The following CTNND2 variants were observed in gnomAD, a reference collection of about 807,000 sequenced individuals.
CTNND2 encodes the protein catenin delta-2.
Under a neutral mutation model 144.4 loss-of-function variants are expected in CTNND2, and 22 were observed. The ratio of observed to expected loss-of-function variants is 0.15; its 90% confidence interval spans 0.11 to 0.22. The LOEUF (loss-of-function observed/expected upper bound fraction) is 0.22. CTNND2 is among the 10% of genes least tolerant of loss of function. The probability of loss-of-function intolerance (pLI) is 1.00; values close to 1 mark genes in which losing one functional copy is unlikely to be tolerated. For synonymous variants in CTNND2, 751 were observed against 695.6 expected, an observed-to-expected ratio of 1.08 and a Z score of -1.25; for missense variants, 1,353 against 1,618.8, an observed-to-expected ratio of 0.84 and a Z score of 2.82.
intron 3 of CTNND2, among the ~76,000 whole-genome samples, chr5:11,551,048 G>T (rs971835431): frequency 2.6e-5 from 4 of 152,080 alleles, no homozygotes; most frequent in Admixed American, 6.6e-5. Context: ...CCTCTCTAAC[G>T]TGCACTGTGG....
rs200557485 is a variant in CTNND2 at position 11,142,591 on chromosome 5, G to T, written c.2159+16985C>A. Among the ~76,000 whole-genome samples, 3 of 151,346 alleles carry T rather than the reference G, an allele frequency of 2.0e-5. No individual in the cohort carries two copies. The East Asian group carries it at 5.8e-4, about 29-fold the overall frequency. On this transcript the variant is annotated intron_variant, in intron 12 of 21. Coordinates refer to ENST00000304623, the MANE Select transcript of CTNND2 (RefSeq NM_001332.4). ...CAGGCTGTGGTACTGGAAAAGGTTT[G>T]GTGTCAAATTTAAACTCTTTTTTTT...
At chr5:11,431,657 A>G (rs924699948) in intron 3 of CTNND2, among the ~76,000 whole-genome samples, 5 of 152,298 alleles carry the variant, frequency 3.3e-5, no homozygotes, top group African/African-American at 1.2e-4. Flanking sequence ...GGCCACATAG[A>G]GAAGCACTGA....
chr5:11,752,081 T>G (rs1426054552), intron 1 of CTNND2, among the ~76,000 whole-genome samples: 1 of 151,962 alleles, frequency 6.6e-6, no homozygotes, highest in Non-Finnish European at 1.5e-5. Context: ...CTACTTTAAG[T>G]TCCTTACAGA....
At chr5:11,245,069 T>G (rs565595262) in intron 9 of CTNND2, among the ~76,000 whole-genome samples, 4 of 152,250 alleles carry the variant, frequency 2.6e-5, no homozygotes, top group Non-Finnish European at 4.4e-5. Context: ...CATTCATGCC[T>G]GATTTGCATC....
chr5:11,635,294 C>T (rs1781625391), intron 2 of CTNND2, among the ~76,000 whole-genome samples: 1 of 151,812 alleles, frequency 6.6e-6, no homozygotes, highest in African/African-American at 2.4e-5. Context: ...AAGGCATCAC[C>T]CATAAGAGAG....
At chr5:11,588,670 A>G in intron 2 of CTNND2, 1 of 755,610 alleles carries the variant, frequency 1.3e-6, no homozygotes, top group Non-Finnish European at 1.6e-6. Flanking sequence ...TTATCACAAA[A>G]ACAACATTCA....
chr5:11,378,915 ATTTGACTGGGGGACAAGTT>A (rs1758208229), intron 7 of CTNND2, among the ~76,000 whole-genome samples: 2 of 152,200 alleles, frequency 1.3e-5, no homozygotes, highest in Non-Finnish European at 2.9e-5. Flanking sequence ...TTTTATGTCC[ATTTGACTGGGGGACAAGTT>A]AGACAGGCCT....
At chr5:11,444,714 T>C (rs574733297) in intron 3 of CTNND2, among the ~76,000 whole-genome samples, 1 of 151,998 alleles carries the variant, frequency 6.6e-6, no homozygotes, top group South Asian at 2.1e-4. Flanking sequence ...AAAATAAAAA[T>C]AAATAAAAAA....
chr5:11,278,767 A>G (rs1746817305), intron 9 of CTNND2, among the ~76,000 whole-genome samples: 1 of 152,178 alleles, frequency 6.6e-6, no homozygotes, highest in Non-Finnish European at 1.5e-5. Context: ...AGATGTGAGC[A>G]CTGTGTCTGG....
At chr5:11,573,441 T>A (rs1777734385) in intron 2 of CTNND2, among the ~76,000 whole-genome samples, 1 of 152,104 alleles carries the variant, frequency 6.6e-6, no homozygotes, top group African/African-American at 2.4e-5. Flanking sequence ...CAATGTTAAT[T>A]TTACCCCACT....
chr5:11,578,482 G>T (rs932846632), intron 2 of CTNND2, among the ~76,000 whole-genome samples: 1 of 151,934 alleles, frequency 6.6e-6, no homozygotes, highest in African/African-American at 2.4e-5. Flanking sequence ...TCAGCATGGT[G>T]AAACCCCGTC....
chr5:11,091,800 C>T (rs1561289425), intron 15 of CTNND2, among the ~76,000 whole-genome samples: 1 of 152,216 alleles, frequency 6.6e-6, no homozygotes, highest in Non-Finnish European at 1.5e-5. Flanking sequence ...TGCACCCCCA[C>T]ATGAGTGTCC....
rs1019382586 is a variant in CTNND2 at position 11,392,677 on chromosome 5, G to C, written c.612+4354C>G. Among the ~76,000 whole-genome samples the C allele has an allele frequency of 3.3e-5, 5 of 152,158 alleles. No individual in the cohort carries two copies. The East Asian group carries it at 7.7e-4, about 23-fold the overall frequency. On this transcript the variant is annotated intron_variant, in intron 6 of 21. Transcript: ENST00000304623. Reference sequence around the variant, plus strand: ...GCAAGGAATAGGGATTCACAACAGAGAGTCATCCTAAAACTATCTTAAAAA... The same window carrying C: ...GCAAGGAATAGGGATTCACAACAGACAGTCATCCTAAAACTATCTTAAAAA...
chr5:11,420,712 T>C lies in CTNND2; in HGVS notation c.288-8643A>G, dbSNP rs537091415. On this transcript the variant is annotated intron_variant, in intron 3 of 21. Transcript: ENST00000304623. ...GGTCGGCTGCCTGTGGTCTCTATAC[T>C]TGTCTGTGATATAATCCCAAATGAA... Among the ~76,000 whole-genome samples, 6 of 152,290 alleles carry C rather than the reference T, an allele frequency of 3.9e-5. No homozygotes were observed. In the East Asian group the frequency reaches 5.8e-4, roughly 15 times the overall value.
At chr5:11,808,736 T>C (rs1272150040) in intron 1 of CTNND2, among the ~76,000 whole-genome samples, 1 of 152,234 alleles carries the variant, frequency 6.6e-6, no homozygotes, top group Non-Finnish European at 1.5e-5. Context: ...CCAAACTTTC[T>C]ACATTTTCCT....
chr5:11,432,308 T>A (rs1283170873), intron 3 of CTNND2, among the ~76,000 whole-genome samples: 11 of 150,180 alleles, frequency 7.3e-5, no homozygotes, highest in African/African-American at 2.5e-4. Flanking sequence ...CCAAATTGTA[T>A]GAAATTTACC....
chr5:11,175,709 A>G (rs960548919), intron 11 of CTNND2, among the ~76,000 whole-genome samples: 2 of 152,024 alleles, frequency 1.3e-5, no homozygotes, highest in African/African-American at 4.8e-5. Context: ...ATATTAACTC[A>G]TCTGCTCTAA....
chr5:11,475,849 G>A (rs571241874), intron 3 of CTNND2, among the ~76,000 whole-genome samples: 1 of 152,070 alleles, frequency 6.6e-6, no homozygotes, highest in Admixed American at 6.5e-5. Context: ...TACTAGTTTT[G>A]TTTTGTTTGT....
At chr5:11,659,956 C>T (rs1783107414) in intron 2 of CTNND2, among the ~76,000 whole-genome samples, 1 of 152,068 alleles carries the variant, frequency 6.6e-6, no homozygotes, top group Non-Finnish European at 1.5e-5. Context: ...ATTGTAAACA[C>T]TTAACGGGCT....
Sources: allele counts gnomAD v4.1 joint callset (sites outside exome capture counted in the v4.1 genomes callset), GRCh38; gene constraint gnomAD v4.1.1; transcripts MANE v1.5; gene names NCBI Gene and HGNC (gene_info 2026-07-23, HGNC 2026-07-21).